Variants in CRACD observed in about 807,000 individuals in gnomAD.
The protein encoded by CRACD is capping protein-inhibiting regulator of actin dynamics.
CRACD carries 56 observed loss-of-function variants against 106.8 expected under a neutral mutation model. The ratio of observed to expected loss-of-function variants is 0.52; its 90% CI spans 0.42 to 0.66. The LOEUF is 0.66. Ranked by LOEUF, CRACD falls within the 30% of genes least tolerant of loss-of-function variation. CRACD has a pLI of 0.00. For missense variants in CRACD, 1,730 were observed against 1,623.2 expected (o/e 1.07, Z -1.13); for synonymous variants, 754 against 670.8 (o/e 1.12, Z -1.92).
chr4:56,207,778 A>ATATG (rs1738202868), intron 2 of CRACD, among the ~76,000 whole-genome samples: 1 of 128,584 alleles, frequency 7.8e-6, no homozygotes, highest in Non-Finnish European at 1.7e-5. Flanking sequence ...ATATATATAT[A>ATATG]TGCTTATTTT....
intron 2 of CRACD, among the ~76,000 whole-genome samples, chr4:56,242,260 G>A (rs1740409899): frequency 6.6e-6 from 1 of 152,160 alleles, no homozygotes; most frequent in South Asian, 2.1e-4. Flanking sequence ...TGGAGATCAT[G>A]AGTATACAGC....
At chr4:56,266,416 A>T (rs929106046) in intron 2 of CRACD, among the ~76,000 whole-genome samples, 1 of 152,190 alleles carries the variant, frequency 6.6e-6, no homozygotes, top group African/African-American at 2.4e-5. Flanking sequence ...GAGGAAAAAT[A>T]AATTGATAGT....
At chr4:56,159,694 C>A in intron 1 of CRACD, among the ~76,000 whole-genome samples, 1 of 152,092 alleles carries the variant, frequency 6.6e-6, no homozygotes, top group East Asian at 1.9e-4. Flanking sequence ...TCTGACCCCC[C>A]TATAATCTGC....
intron 3 of CRACD, among the ~76,000 whole-genome samples, chr4:56,290,891 C>T (rs1459634710): frequency 1.3e-5 from 2 of 152,184 alleles, no homozygotes; most frequent in Non-Finnish European, 2.9e-5. Flanking sequence ...AAAACTGTTG[C>T]TCAGATACCA....
At chr4:56,165,372 T>G (rs1240402984) in intron 1 of CRACD, among the ~76,000 whole-genome samples, 4 of 152,338 alleles carry the variant, frequency 2.6e-5, no homozygotes, top group African/African-American at 9.6e-5. Flanking sequence ...AAGTGCTTAC[T>G]GTGTGCCAGG....
chr4:56,281,384 G>A (rs1227531955), intron 3 of CRACD, among the ~76,000 whole-genome samples: 3 of 152,012 alleles, frequency 2.0e-5, no homozygotes, highest in Non-Finnish European at 4.4e-5. Flanking sequence ...CCACAAAACC[G>A]GTTCCTGGTG....
At chr4:56,186,455 A>G (rs1218842184) in intron 2 of CRACD, among the ~76,000 whole-genome samples, 1 of 152,172 alleles carries the variant, frequency 6.6e-6, no homozygotes, top group Non-Finnish European at 1.5e-5. Flanking sequence ...ATGCTCTAAG[A>G]TATCTCTTCC....
chr4:56,155,754 G>A (rs1209303629), intron 1 of CRACD, among the ~76,000 whole-genome samples: 1 of 152,110 alleles, frequency 6.6e-6, no homozygotes, highest in Non-Finnish European at 1.5e-5. Flanking sequence ...TGCTGCATAT[G>A]AATTAGTAAT....
At chr4:56,158,246 A>G (rs541509751) in intron 1 of CRACD, among the ~76,000 whole-genome samples, 5 of 152,196 alleles carry the variant, frequency 3.3e-5, no homozygotes, top group Non-Finnish European at 7.3e-5. Context: ...TCTGATGTAT[A>G]TATGTTCTTT....
At chr4:56,320,113 A>G (rs1346396108) in intron 8 of CRACD, among the ~76,000 whole-genome samples, 1 of 151,414 alleles carries the variant, frequency 6.6e-6, no homozygotes, top group Non-Finnish European at 1.5e-5. Context: ...CAGAGGTTGC[A>G]GTGAGCAGAG....
chr4:56,144,731 C>G (rs1403564280), intron 1 of CRACD, among the ~76,000 whole-genome samples: 4 of 151,670 alleles, frequency 2.6e-5, no homozygotes, highest in Non-Finnish European at 5.9e-5. Context: ...TCTCAGCTCA[C>G]TGCAAACTCC....
At chr4:56,087,310 G>A (rs915113896) in intron 1 of CRACD, among the ~76,000 whole-genome samples, 1 of 152,196 alleles carries the variant, frequency 6.6e-6, no homozygotes, top group African/African-American at 2.4e-5. Flanking sequence ...ACCGCGCCCA[G>A]CCCTAAAGGA....
chr4:56,281,415 T>A (rs906057502), intron 3 of CRACD, among the ~76,000 whole-genome samples: 1 of 152,108 alleles, frequency 6.6e-6, no homozygotes, highest in Non-Finnish European at 1.5e-5. Flanking sequence ...TGGGGACTGC[T>A]GAGGTATAGC....
chr4:56,166,198 G>A (rs1357852132), intron 1 of CRACD, among the ~76,000 whole-genome samples: 2 of 152,086 alleles, frequency 1.3e-5, no homozygotes, highest in African/African-American at 4.8e-5. Flanking sequence ...TTTGCATTCT[G>A]AGCCTTAACC....
intron 1 of CRACD, among the ~76,000 whole-genome samples, chr4:56,049,682 A>ACCGTCCGGGATCGCGGACG (rs1309862426): frequency 1.3e-5 from 2 of 151,734 alleles, no homozygotes. Context: ...ACCAGACCTC[A>ACCGTCCGGGATCGCGGACG]CCGTCCGGGA....
At chr4:56,198,930 A>G (rs1231481234) in intron 2 of CRACD, among the ~76,000 whole-genome samples, 1 of 152,038 alleles carries the variant, frequency 6.6e-6, no homozygotes, top group African/African-American at 2.4e-5. Context: ...TCAGTAGTCA[A>G]TTTCCTGTTT....
At chr4:56,071,894 G>T (rs1173259483) in intron 1 of CRACD, among the ~76,000 whole-genome samples, 4 of 151,756 alleles carry the variant, frequency 2.6e-5, no homozygotes, top group Non-Finnish European at 5.9e-5. Context: ...TTGGGAGGCC[G>T]AGGCGGGCGG....
At position 56,314,503 on chromosome 4, in the gene CRACD, G is replaced by A. The variant is rs1745400574; in HGVS notation, c.1001G>A (p.Arg334Gln). The change falls in exon 8 of 11, where the codon CGG becomes CAG. Residue 334 changes from arginine (R) to glutamine (Q), a missense_variant. Physicochemically the swap from Arg to Gln is conservative, Grantham distance 43 (BLOSUM62 1). Coordinates refer to ENST00000682029, the MANE Select transcript of CRACD (RefSeq NM_001393381.1). This position sits in a 1 kb window ranked among gnomAD's most constrained non-coding sequence, Gnocchi z 4.4. Reference protein sequence around the residue: ...QAQAQAEERRRLEEDARLEER... With the variant: ...QAQAQAEERRQLEEDARLEER... ...CAGGCCCAAGCGGAGGAGAGGCGGCGGCTGGAGGAGGACGCCAGGCTGGAG... is the reference window on the plus strand; with the variant it reads ...CAGGCCCAAGCGGAGGAGAGGCGGCAGCTGGAGGAGGACGCCAGGCTGGAG... 14 of 1,516,402 alleles carry A rather than the reference G, an allele frequency of 9.2e-6. No homozygotes were observed. The highest frequency in any genetic ancestry group is 2.2e-5 in the Admixed American group (1 of 44,706). The allele number at this position is 1,516,402 out of a possible 1,614,324, so 93.9% of individuals were successfully genotyped here. A position where few individuals can be genotyped will look rare whatever the true frequency, so the allele number is the denominator to read the frequency against.
chr4:56,299,266 A>T (rs1199841618), intron 4 of CRACD, among the ~76,000 whole-genome samples: 2 of 152,156 alleles, frequency 1.3e-5, no homozygotes, highest in Non-Finnish European at 2.9e-5. Flanking sequence ...AATATAATAA[A>T]TAATTATTCA....
Sources: allele counts gnomAD v4.1 joint callset (sites outside exome capture counted in the v4.1 genomes callset), GRCh38; gene constraint gnomAD v4.1.1; non-coding constraint Gnocchi (gnomAD v3.1); transcripts MANE v1.5; gene names NCBI Gene and HGNC (gene_info 2026-07-23, HGNC 2026-07-21).